KLHL32: variants seen among roughly 807,000 people sequenced by gnomAD.
KLHL32 encodes kelch-like protein 32.
In KLHL32, 35 loss-of-function variants were observed where a neutral mutation model predicts 64.8. The ratio of observed to expected loss-of-function variants is 0.54; its 90% CI spans 0.41 to 0.72. The LOEUF (loss-of-function observed/expected upper bound fraction) is 0.72. Among genes scored for constraint, KLHL32 ranks in the 30% least tolerant of loss-of-function variants. The probability of loss-of-function intolerance (pLI) is 0.00; values close to 1 mark genes in which losing one functional copy is unlikely to be tolerated. For missense variants in KLHL32, 589 were observed against 768.5 expected, an observed-to-expected ratio of 0.77 and a Z score of 2.76; for synonymous variants, 259 against 281.0, an observed-to-expected ratio of 0.92 and a Z score of 0.78.
intron 4 of KLHL32, among the ~76,000 whole-genome samples, chr6:97,056,818 C>T (rs1053011508): frequency 4.4e-4 from 67 of 152,192 alleles, no homozygotes; most frequent in Admixed American, 1.3e-4. Flanking sequence ...GCAGAAAGAT[C>T]GTTTGAGCCC....
chr6:96,899,559 C>T, the KLHL32 span, among the ~76,000 whole-genome samples: 2 of 152,176 alleles, frequency 1.3e-5, no homozygotes, highest in Non-Finnish European at 2.9e-5. Context: ...TCCAATAGAG[C>T]TTGGATTCAA....
chr6:97,066,138 A>G (rs1408277016), intron 5 of KLHL32, among the ~76,000 whole-genome samples: 1 of 152,254 alleles, frequency 6.6e-6, no homozygotes, highest in Non-Finnish European at 1.5e-5. Context: ...TGAAATTAAA[A>G]TTACTTTTAT....
At chr6:96,970,335 C>T (rs1308373933) in intron 2 of KLHL32, among the ~76,000 whole-genome samples, 2 of 152,182 alleles carry the variant, frequency 1.3e-5, no homozygotes, top group African/African-American at 4.8e-5. Flanking sequence ...GCCTTACCTG[C>T]ACCGTGTTCT....
intron 1 of KLHL32, among the ~76,000 whole-genome samples, chr6:96,929,506 A>C (rs1358001301): frequency 6.6e-6 from 1 of 152,210 alleles, no homozygotes; most frequent in Non-Finnish European, 1.5e-5. Flanking sequence ...TTAAGAATTT[A>C]TCCTAGAACA....
intron 3 of KLHL32, among the ~76,000 whole-genome samples, chr6:97,035,472 T>G (rs981738080): frequency 6.6e-6 from 1 of 152,172 alleles, no homozygotes; most frequent in Non-Finnish European, 1.5e-5. Flanking sequence ...AGCATGTTTT[T>G]GTTTTCAATT....
chr6:97,037,944 G>A (rs1174354061), intron 3 of KLHL32, among the ~76,000 whole-genome samples: 10 of 152,168 alleles, frequency 6.6e-5, no homozygotes, highest in Admixed American at 6.5e-4. Context: ...TTAATACATG[G>A]TGTTGGGAAA....
chr6:96,984,186 A>T (rs7749036), intron 3 of KLHL32, among the ~76,000 whole-genome samples: 2 of 151,962 alleles, frequency 1.3e-5, no homozygotes, highest in South Asian at 4.1e-4. Flanking sequence ...GTAGTTGAGC[A>T]GTTTCGAGTC....
chr6:97,108,131 T>C (rs1328996755), intron 6 of KLHL32, among the ~76,000 whole-genome samples: 1 of 152,210 alleles, frequency 6.6e-6, no homozygotes, highest in Non-Finnish European at 1.5e-5. Flanking sequence ...AAGCACTCTT[T>C]CGTAATGTCC....
chr6:97,036,938 G>A lies in KLHL32; in HGVS notation c.205-4554G>A, dbSNP rs182433334. On this transcript the variant is annotated intron_variant, in intron 3 of 10. Coordinates refer to ENST00000369261, the MANE Select transcript of KLHL32 (RefSeq NM_052904.4). ...TTTTCCCCTATGGGGGGATATAGTG[G>A]TCAAGGCAATTTCTGTTGGCACTAA... is the stretch of plus-strand genomic sequence containing the variant. Among the ~76,000 whole-genome samples, 5 of 152,318 alleles carry A rather than the reference G, an allele frequency of 3.3e-5. No homozygotes were observed. The East Asian group carries it at 9.7e-4, about 29-fold the overall frequency.
chr6:97,096,348 T>C (rs1375917945), intron 6 of KLHL32, among the ~76,000 whole-genome samples: 1 of 152,218 alleles, frequency 6.6e-6, no homozygotes, highest in Non-Finnish European at 1.5e-5. Flanking sequence ...GGCTTTCCTT[T>C]GTTTTGCAGC....
intron 1 of KLHL32, among the ~76,000 whole-genome samples, chr6:96,961,908 C>T (rs979896651): frequency 1.3e-5 from 2 of 152,168 alleles, no homozygotes; most frequent in Admixed American, 1.3e-4. Flanking sequence ...TCTCAACTGG[C>T]TTGAACTAGA....
intron 3 of KLHL32, among the ~76,000 whole-genome samples, chr6:97,027,174 A>AG (rs1250504757): frequency 2.4e-4 from 35 of 148,608 alleles, no homozygotes; most frequent in African/African-American, 8.0e-4. Flanking sequence ...AAAAAAAAAA[A>AG]AAAGAAAAAG....
At chr6:97,002,347 T>C (rs920367345) in intron 3 of KLHL32, among the ~76,000 whole-genome samples, 5 of 152,208 alleles carry the variant, frequency 3.3e-5, no homozygotes, top group Admixed American at 2.0e-4. Context: ...GAATCCCTAG[T>C]TGACTAATAA....
At chr6:97,055,517 G>C (rs1228661067) in intron 4 of KLHL32, among the ~76,000 whole-genome samples, 1 of 152,050 alleles carries the variant, frequency 6.6e-6, no homozygotes. Context: ...TCCTTTTCTT[G>C]CCAGGTGTGG....
At chr6:96,994,651 T>C (rs867463014) in intron 3 of KLHL32, 13 of 982,092 alleles carry the variant, frequency 1.3e-5, no homozygotes, top group Middle Eastern at 5.2e-4. Flanking sequence ...ATATGATTAA[T>C]GAATGATTAG....
At chr6:96,995,139 T>C in intron 3 of KLHL32, among the ~76,000 whole-genome samples, 1 of 152,286 alleles carries the variant, frequency 6.6e-6, no homozygotes, top group Non-Finnish European at 1.5e-5. Flanking sequence ...GAGACTTAAG[T>C]GAGATATGGT....
intron 6 of KLHL32, among the ~76,000 whole-genome samples, chr6:97,094,182 T>C (rs1001438962): frequency 4.9e-4 from 75 of 152,320 alleles, no homozygotes; most frequent in African/African-American, 1.8e-3. Flanking sequence ...TTTTCTTCAA[T>C]GTTAGGCCAG....
At chr6:96,910,219 C>T in the KLHL32 span, among the ~76,000 whole-genome samples, 817 of 152,086 alleles carry the variant, frequency 5.4e-3, 11 homozygotes, top group African/African-American at 0.019. Flanking sequence ...CACATATGAC[C>T]TCCCTGTTTT....
At chr6:96,951,272 A>G (rs1010872035) in intron 1 of KLHL32, among the ~76,000 whole-genome samples, 7 of 152,106 alleles carry the variant, frequency 4.6e-5, no homozygotes, top group African/African-American at 9.7e-5. Flanking sequence ...TTTGCATGAG[A>G]GGAGATGTCA....
Sources: allele counts gnomAD v4.1 joint callset (sites outside exome capture counted in the v4.1 genomes callset), GRCh38; gene constraint gnomAD v4.1.1; transcripts MANE v1.5; gene names NCBI Gene and HGNC (gene_info 2026-07-23, HGNC 2026-07-21).